CATSPERB: variants seen among roughly 807,000 people sequenced by gnomAD.
CATSPERB encodes the protein catsper channel auxiliary subunit beta.
Under a neutral mutation model 128.3 loss-of-function variants are expected in CATSPERB, and 93 were observed. The observed-to-expected ratio is 0.72, with a 90% CI of 0.61 to 0.86. CATSPERB has a LOEUF of 0.86. Among genes scored for constraint, CATSPERB ranks in the 40% least tolerant of loss-of-function variants. The pLI, the probability that CATSPERB is intolerant of heterozygous loss-of-function variation, is 0.00. For synonymous variants in CATSPERB, 381 were observed against 448.8 expected (o/e 0.85, Z 1.91); for missense variants, 1,153 against 1,329.5 (o/e 0.87, Z 2.06).
intron 15 of CATSPERB, among the ~76,000 whole-genome samples, chr14:91,658,583 GT>G (rs1221994504): frequency 6.7e-6 from 1 of 149,790 alleles, no homozygotes; most frequent in Non-Finnish European, 1.5e-5. Context: ...AATTCTTGAT[GT>G]GATGGATACC....
At chr14:91,638,071 C>T (rs1894411430) in intron 16 of CATSPERB, among the ~76,000 whole-genome samples, 1 of 152,154 alleles carries the variant, frequency 6.6e-6, no homozygotes, top group Non-Finnish European at 1.5e-5. Context: ...ATCCTCTCAA[C>T]TGCAGCCTTG....
At position 91,636,513 on chromosome 14, in the gene CATSPERB, A is replaced by G. The variant is rs775201688; in HGVS notation, c.1654T>C (p.Phe552Leu). ...QHTSLDEIIF[F>L]AYVPENEPQE... ...GGTTCGTTCTCAGGTACATATGCAA[A>G]AAAGATAATTTCATCTAAGGAGGTG... Residue 552 changes from phenylalanine to leucine, a missense_variant, in exon 17 of 27, where the codon TTT (phenylalanine) becomes CTT (leucine). Physicochemically the swap from Phe to Leu is conservative, Grantham distance 22. Coordinates refer to ENST00000256343, the MANE Select transcript of CATSPERB (RefSeq NM_024764.4). The G allele has an allele frequency of 6.2e-7, 1 of 1,614,138 alleles. No homozygotes were observed. The highest frequency in any genetic ancestry group is 8.5e-7 in the Non-Finnish European group (1 of 1,180,018).
At chr14:91,663,850 C>T (rs1426710843) in intron 14 of CATSPERB, among the ~76,000 whole-genome samples, 1 of 151,986 alleles carries the variant, frequency 6.6e-6, no homozygotes, top group South Asian at 2.1e-4. Context: ...AGTAGTGTTA[C>T]GTATATTTAC....
At chr14:91,716,406 G>C (rs1297353572) in intron 5 of CATSPERB, among the ~76,000 whole-genome samples, 1 of 152,038 alleles carries the variant, frequency 6.6e-6, no homozygotes, top group Non-Finnish European at 1.5e-5. Flanking sequence ...GCGAAACCCT[G>C]TTTCTACTAA....
At chr14:91,586,783 C>G (rs947982187) in intron 26 of CATSPERB, among the ~76,000 whole-genome samples, 1 of 152,170 alleles carries the variant, frequency 6.6e-6, no homozygotes, top group Non-Finnish European at 1.5e-5. Context: ...TCTTGAAAGC[C>G]TTTGAAATAT....
intron 11 of CATSPERB, among the ~76,000 whole-genome samples, chr14:91,680,648 C>A (rs562533825): frequency 6.6e-6 from 1 of 152,012 alleles, no homozygotes; most frequent in African/African-American, 2.4e-5. Flanking sequence ...CCATAGGTGT[C>A]CCACTGGAGG....
At chr14:91,723,996 A>G (rs1896077885) in intron 3 of CATSPERB, among the ~76,000 whole-genome samples, 1 of 152,178 alleles carries the variant, frequency 6.6e-6, no homozygotes, top group South Asian at 2.1e-4. Flanking sequence ...AAGGCAGTAC[A>G]ATTTTTCACA....
At position 91,598,216 on chromosome 14, in the gene CATSPERB, T is replaced by C. The variant is rs187388652; in HGVS notation, c.2710-6214A>G. Among the ~76,000 whole-genome samples, 24 of 151,962 alleles carry C rather than the reference T, an allele frequency of 1.6e-4. No individual in the cohort carries two copies. The East Asian group carries it at 4.4e-3, about 28-fold the overall frequency. On this transcript the variant is annotated intron_variant, in intron 22 of 26. Transcript: ENST00000256343. ...CTTTATTTTTATAACTTTTTTTACA[T>C]CTTTTTTTATTCCTGGCTCCTTTTA... is the stretch of plus-strand genomic sequence containing the variant.
At chr14:91,582,084 C>A (rs115929167) in intron 26 of CATSPERB, among the ~76,000 whole-genome samples, 1 of 152,146 alleles carries the variant, frequency 6.6e-6, no homozygotes, top group African/African-American at 2.4e-5. Flanking sequence ...TTCAGTACTG[C>A]TACTGTGATT....
At position 91,624,881 on chromosome 14, in the gene CATSPERB, C is replaced by T. The variant is rs148776534; in HGVS notation, c.1869G>A (p.Leu623=). 9 of 1,611,842 alleles carry T rather than the reference C, an allele frequency of 5.6e-6. No individual in the cohort carries two copies. The highest frequency in any genetic ancestry group is 5.3e-5 in the African/African-American group (4 of 74,812). ...CTTTATTAATCAAAAGGGAACTAGA[C>T]AAACAAGAGCTCTCATTCACTTCTT... The part of the protein sequence containing the change: ...GLEEVNESSC[L]SSSLLINKAG... Residue 623 remains leucine, a synonymous_variant, in exon 18 of 27, where the codon TTG becomes TTA. Coordinates refer to ENST00000256343, the MANE Select transcript of CATSPERB (RefSeq NM_024764.4).
chr14:91,677,036 C>T (rs541641780), intron 11 of CATSPERB, among the ~76,000 whole-genome samples: 1 of 152,256 alleles, frequency 6.6e-6, no homozygotes, highest in South Asian at 2.1e-4. Context: ...AAAACTGAAA[C>T]TGAACCCCTT....
At chr14:91,669,746 C>A in intron 14 of CATSPERB, 68 bp downstream of exon 14, 2 of 1,423,574 alleles carry the variant, frequency 1.4e-6, no homozygotes, top group Non-Finnish European at 9.5e-7. Context: ...TCTTAATGTA[C>A]AGCCATGCAG....
intron 15 of CATSPERB, among the ~76,000 whole-genome samples, chr14:91,645,856 C>G (rs1894591427): frequency 6.7e-6 from 1 of 148,646 alleles, no homozygotes; most frequent in South Asian, 2.2e-4. Flanking sequence ...TAGCCATCAG[C>G]GAGATTCCGT....
At chr14:91,707,575 CTTTTT>C (rs539712771) in intron 6 of CATSPERB, among the ~76,000 whole-genome samples, 6 of 58,270 alleles carry the variant, frequency 1.0e-4, no homozygotes, top group African/African-American at 2.1e-4. Context: ...TATGTACTTC[CTTTTT>C]TTTTTTTTTT....
chr14:91,679,572 G>A (rs531502364), intron 11 of CATSPERB, among the ~76,000 whole-genome samples: 9 of 152,128 alleles, frequency 5.9e-5, no homozygotes, highest in South Asian at 2.1e-4. Context: ...AGATTTAAAA[G>A]GGTTAAGGTT....
chr14:91,649,539 C>G (rs1330732097), intron 15 of CATSPERB, among the ~76,000 whole-genome samples: 5 of 151,150 alleles, frequency 3.3e-5, no homozygotes, highest in African/African-American at 4.9e-5. Flanking sequence ...GCCTGTCACC[C>G]AGGCTGGAGT....
At chr14:91,646,066 TCGCGCACGGTG>T (rs1377966118) in intron 15 of CATSPERB, 1 of 154,332 alleles carries the variant, frequency 6.5e-6, no homozygotes, top group Admixed American at 6.5e-5. Flanking sequence ...CTACTTCGGC[TCGCGCACGGTG>T]CGCGCACCAA....
At chr14:91,663,643 TCAAA>T (rs1894927071) in intron 14 of CATSPERB, among the ~76,000 whole-genome samples, 1 of 22,988 alleles carries the variant, frequency 4.4e-5, no homozygotes. Flanking sequence ...AGACTCCGTC[TCAAA>T]AAAAAAAAAA....
intron 22 of CATSPERB, chr14:91,605,251 T>C: frequency 7.1e-7 from 1 of 1,399,738 alleles, no homozygotes; most frequent in East Asian, 2.3e-5. Flanking sequence ...CAGGTGTAAG[T>C]GAAGAGTCTT....
Sources: allele counts gnomAD v4.1 joint callset (sites outside exome capture counted in the v4.1 genomes callset), GRCh38; gene constraint gnomAD v4.1.1; transcripts MANE v1.5; gene names NCBI Gene and HGNC (gene_info 2026-07-23, HGNC 2026-07-21).